NRXN3: variants seen among roughly 807,000 people sequenced by gnomAD.
The protein encoded by NRXN3 is neurexin 3.
NRXN3 carries 32 observed loss-of-function variants against 137.6 expected under a neutral mutation model. The observed-to-expected ratio is 0.23, with a 90% CI of 0.18 to 0.31. The LOEUF is 0.31. NRXN3 is among the 10% of genes least tolerant of loss of function. The pLI is 1.00. For missense variants in NRXN3, 1,574 were observed against 2,062.5 expected (o/e 0.76, Z 4.59); for synonymous variants, 798 against 784.5 (o/e 1.02, Z -0.29).
At chr14:79,358,617 GAA>G (rs564688053) in intron 15 of NRXN3, among the ~76,000 whole-genome samples, 13 of 133,612 alleles carry the variant, frequency 9.7e-5, no homozygotes, top group Non-Finnish European at 1.4e-4. Context: ...GAGAAAGAAA[GAA>G]AGAAAGAAAG....
intron 2 of NRXN3, among the ~76,000 whole-genome samples, chr14:78,253,519 A>T (rs1366843147): frequency 4.6e-5 from 7 of 152,056 alleles, no homozygotes; most frequent in Admixed American, 2.6e-4. Flanking sequence ...ACAAATAATT[A>T]AAAAAATTAG....
At position 79,588,175 on chromosome 14, in the gene NRXN3, T is replaced by C. The variant is rs74370607; in HGVS notation, c.3445-75603T>C. Among the ~76,000 whole-genome samples the C allele has an allele frequency of 1.8e-3, 271 of 152,362 alleles. 1 individual carries two copies. The Middle Eastern group carries it at 0.027, about 15-fold the overall frequency. Reference sequence around the variant, plus strand: ...GTAGCTTGAAGGAGTCAGTATGTAATGTGCCAGTCTCATTTTCACTTTATG... The same window carrying C: ...GTAGCTTGAAGGAGTCAGTATGTAACGTGCCAGTCTCATTTTCACTTTATG... On this transcript the variant is annotated intron_variant, in intron 16 of 20. Transcript: ENST00000335750.
Position 78,243,238 on chromosome 14 carries a change from A to C in NRXN3, c.145A>C (p.Ser49Arg), listed in dbSNP as rs780779860. Residue 49 changes from serine to arginine, a missense_variant, in exon 2 of 21, where the codon AGT (serine) becomes CGT (arginine). Ser to Arg is a moderately radical substitution (Grantham distance 110, BLOSUM62 -1). Transcript: ENST00000335750. This position sits in a 1 kb window ranked among gnomAD's most constrained non-coding sequence, Gnocchi z 4.2. Reference protein sequence around the residue: ...RYLRWDASTRSDLSFQFKTNV... With the variant: ...RYLRWDASTRRDLSFQFKTNV... ...CCTCCGCTGGGATGCCAGCACACGC[A>C]GTGACCTGAGTTTCCAGTTCAAGAC... The C allele has an allele frequency of 2.9e-5, 45 of 1,554,064 alleles. No homozygotes were observed. Among genetic ancestry groups the C allele is most frequent in the Non-Finnish European group, 3.1e-5 (36 of 1,157,470 alleles).
At chr14:78,227,335 G>A (rs551347197) in intron 1 of NRXN3, among the ~76,000 whole-genome samples, 18 of 151,840 alleles carry the variant, frequency 1.2e-4, no homozygotes, top group African/African-American at 4.3e-4. Flanking sequence ...TTCTTCATAG[G>A]TAGATGGGAG....
At chr14:79,814,961 ATCTT>A (rs2099247287) in intron 20 of NRXN3, among the ~76,000 whole-genome samples, 1 of 152,162 alleles carries the variant, frequency 6.6e-6, no homozygotes, top group Admixed American at 6.5e-5. Flanking sequence ...TTATCTTTTG[ATCTT>A]TCTGAGTCAA....
intron 10 of NRXN3, among the ~76,000 whole-genome samples, chr14:78,952,304 C>T (rs2099388670): frequency 6.6e-6 from 1 of 152,108 alleles, no homozygotes; most frequent in Non-Finnish European, 1.5e-5. Context: ...AAACAAAACA[C>T]CTCCTCAATC....
intron 16 of NRXN3, among the ~76,000 whole-genome samples, chr14:79,586,237 G>A (rs1488159644): frequency 6.6e-6 from 1 of 152,196 alleles, no homozygotes; most frequent in Non-Finnish European, 1.5e-5. Flanking sequence ...AAATGGCAAA[G>A]TAAAAGAATT....
At chr14:79,380,201 TTTA>T (rs1176245719) in intron 15 of NRXN3, among the ~76,000 whole-genome samples, 5 of 149,708 alleles carry the variant, frequency 3.3e-5, no homozygotes, top group Non-Finnish European at 5.9e-5. Context: ...TTATTTTTAT[TTTA>T]TTATTATTAT....
intron 15 of NRXN3, among the ~76,000 whole-genome samples, chr14:79,003,021 G>T (rs138468646): frequency 1.5e-4 from 23 of 152,248 alleles, no homozygotes; most frequent in Non-Finnish European, 2.9e-4. Context: ...AGACTGGAGT[G>T]CAGTGGCTAT....
At chr14:79,391,774 A>T (rs888040121) in intron 15 of NRXN3, among the ~76,000 whole-genome samples, 4 of 152,194 alleles carry the variant, frequency 2.6e-5, no homozygotes, top group African/African-American at 9.6e-5. Context: ...CTTGCCATGA[A>T]ATTGCATTGA....
chr14:79,647,468 C>G (rs1172934131), intron 16 of NRXN3, among the ~76,000 whole-genome samples: 2 of 135,598 alleles, frequency 1.5e-5, no homozygotes, highest in African/African-American at 4.9e-5. Context: ...TTGATTAATC[C>G]TACTGTTTAT....
At chr14:79,068,155 G>A (rs185401919) in intron 15 of NRXN3, among the ~76,000 whole-genome samples, 154 of 152,100 alleles carry the variant, frequency 1.0e-3, no homozygotes, top group African/African-American at 3.7e-3. Flanking sequence ...TTTGTCTCTA[G>A]TTTTTATGTT....
intron 4 of NRXN3, among the ~76,000 whole-genome samples, chr14:78,417,716 A>C (rs914142403): frequency 6.6e-6 from 1 of 152,146 alleles, no homozygotes; most frequent in African/African-American, 2.4e-5. Context: ...TCTCATCTTG[A>C]ATCTGAGTCT....
At chr14:78,971,933 A>G (rs2099442673) in intron 14 of NRXN3, among the ~76,000 whole-genome samples, 1 of 152,160 alleles carries the variant, frequency 6.6e-6, no homozygotes, top group Admixed American at 6.5e-5. Context: ...TTGCTAATTT[A>G]GTACTCTTCA....
chr14:78,525,182 T>C (rs2096358922), intron 4 of NRXN3, among the ~76,000 whole-genome samples: 1 of 152,164 alleles, frequency 6.6e-6, no homozygotes, highest in African/African-American at 2.4e-5. Context: ...CAGGCTGAAG[T>C]TGTGTGAGAA....
At chr14:79,628,332 C>T (rs1383072611) in intron 16 of NRXN3, among the ~76,000 whole-genome samples, 2 of 152,152 alleles carry the variant, frequency 1.3e-5, no homozygotes. Flanking sequence ...AAGTTAAGAC[C>T]TGTATTGTTT....
intron 15 of NRXN3, among the ~76,000 whole-genome samples, chr14:79,410,007 A>C (rs1428226857): frequency 6.6e-6 from 1 of 151,978 alleles, no homozygotes; most frequent in African/African-American, 2.4e-5. Context: ...TTAACTCTAC[A>C]AAATGGCCAT....
chr14:78,577,334 A>T (rs1456589503), intron 4 of NRXN3, among the ~76,000 whole-genome samples: 1 of 152,240 alleles, frequency 6.6e-6, no homozygotes, highest in Non-Finnish European at 1.5e-5. Context: ...ATTTTTATAC[A>T]ATATTATTCC....
At chr14:78,836,281 C>T (rs747813132) in intron 10 of NRXN3, among the ~76,000 whole-genome samples, 3 of 152,162 alleles carry the variant, frequency 2.0e-5, no homozygotes, top group African/African-American at 4.8e-5. Flanking sequence ...AAAGGGGAGA[C>T]AGAAAAACAA....
Sources: allele counts gnomAD v4.1 joint callset (sites outside exome capture counted in the v4.1 genomes callset), GRCh38; gene constraint gnomAD v4.1.1; non-coding constraint Gnocchi (gnomAD v3.1); transcripts MANE v1.5; gene names NCBI Gene and HGNC (gene_info 2026-07-23, HGNC 2026-07-21).